EHF: variants seen among roughly 807,000 people sequenced by gnomAD.
EHF encodes ESE3 transcription factor.
A neutral mutation model predicts 45.1 loss-of-function variants in EHF; 14 were observed. The ratio of observed to expected loss-of-function variants is 0.31; its 90% confidence interval spans 0.21 to 0.49. The LOEUF (loss-of-function observed/expected upper bound fraction) is 0.49, where lower values mean the gene tolerates loss of function less well. EHF is among the 20% of genes least tolerant of loss of function. The pLI is 0.99. For synonymous variants in EHF, 136 were observed against 131.8 expected (o/e 1.03, Z -0.22); for missense variants, 282 against 371.4 (o/e 0.76, Z 1.98).
Position 34,646,640 on chromosome 11 carries a change from C to CG in EHF, c.303dup (p.Gln102AlafsTer18), listed in dbSNP as rs1565038350. The stretch of plus-strand genomic sequence containing the variant: ...GAGTTCACCCGGGCGGCAGGGACGG[C>CG]GGGGCAGCTCCTCTACAGCAACTTG... On this transcript the variant is annotated frameshift_variant, in exon 3 of 9. Coordinates refer to ENST00000257831, the MANE Select transcript of EHF (RefSeq NM_012153.6). LOFTEE classifies it high-confidence loss of function. 6.2e-7 allele frequency: 1 copy of CG among 1,613,236 alleles called. No homozygotes were observed. The highest frequency in any genetic ancestry group is 8.5e-7 in the Non-Finnish European group (1 of 1,179,920).
chr11:34,654,072 C>T (rs1380112320), intron 6 of EHF, among the ~76,000 whole-genome samples: 6 of 152,192 alleles, frequency 3.9e-5, no homozygotes, highest in Non-Finnish European at 8.8e-5. Context: ...TATTAGAACA[C>T]TGAAATTTGT....
intron 1 of EHF, among the ~76,000 whole-genome samples, chr11:34,635,307 G>A (rs1234283145): frequency 6.6e-6 from 1 of 152,110 alleles, no homozygotes; most frequent in Non-Finnish European, 1.5e-5. Flanking sequence ...CAGTGGAGCA[G>A]TCCTTGGGCT....
intron 1 of EHF, among the ~76,000 whole-genome samples, chr11:34,624,841 C>T (rs1036469779): frequency 1.1e-4 from 16 of 152,234 alleles, no homozygotes; most frequent in Admixed American, 6.5e-4. Flanking sequence ...GCAGGGAAGG[C>T]GGGATGTGAG....
intron 1 of EHF, chr11:34,622,280 T>C: frequency 8.0e-6 from 3 of 373,750 alleles, no homozygotes; most frequent in Non-Finnish European, 1.5e-5. Flanking sequence ...GGAGAGTGTA[T>C]GCTTCTGGGT....
intron 6 of EHF, among the ~76,000 whole-genome samples, chr11:34,653,523 C>T (rs1383012020): frequency 6.6e-6 from 1 of 152,168 alleles, no homozygotes; most frequent in African/African-American, 2.4e-5. Context: ...TCTCCTTACC[C>T]TTCTGATCCT....
intron 1 of EHF, chr11:34,624,282 G>A (rs1852179867): frequency 1.0e-6 from 1 of 985,256 alleles, no homozygotes. Context: ...CTTTGTTACT[G>A]GGAAACCGAA....
rs368204105 is a variant in EHF at position 34,658,708 on chromosome 11, A to G, written c.783A>G (p.Glu261=). The G allele has an allele frequency of 8.1e-6, 13 of 1,613,516 alleles. No homozygotes were observed. The highest frequency in any genetic ancestry group is 1.1e-5 in the Non-Finnish European group (13 of 1,179,750). ...AGAACAACAGCAGCATGACCTATGA[A>G]AAGCTCAGCCGAGCTATGAGGTGAG... ...KKKNNSSMTY[E]KLSRAMRYYY... Residue 261 remains glutamate, a synonymous_variant, in exon 8 of 9, where the codon GAA becomes GAG. Transcript: ENST00000257831.
chr11:34,632,923 A>G (rs928933044), intron 1 of EHF, among the ~76,000 whole-genome samples: 1 of 152,210 alleles, frequency 6.6e-6, no homozygotes, highest in African/African-American at 2.4e-5. Context: ...ACAATATTGT[A>G]ATGGCCGGAT....
chr11:34,657,018 G>A lies in EHF; in HGVS notation c.607+48G>A, dbSNP rs149105390. 1.4e-3 allele frequency: 2,271 copies of A among 1,605,692 alleles called. 3 individuals are homozygous for A. Among genetic ancestry groups the A allele is most frequent in the Non-Finnish European group, 1.6e-3 (1,858 of 1,175,068 alleles). ...GGCCTTTGGTCCTTCCCATCACATC[G>A]GGCACATCTGGAGGCCACTAGTTTT... is the stretch of plus-strand genomic sequence containing the variant. On this transcript the variant is annotated intron_variant, in intron 7 of 8. Coordinates refer to ENST00000257831, the MANE Select transcript of EHF (RefSeq NM_012153.6).
intron 7 of EHF, among the ~76,000 whole-genome samples, chr11:34,658,028 C>T (rs1038419009): frequency 6.6e-6 from 1 of 152,088 alleles, no homozygotes; most frequent in Non-Finnish European, 1.5e-5. Context: ...CTTTCCCTAC[C>T]ACCCTCATCT....
intron 6 of EHF, 55 bp from the exon 7 acceptor site, chr11:34,656,853 A>C (rs1489929156): frequency 1.3e-5 from 21 of 1,585,786 alleles, no homozygotes; most frequent in Non-Finnish European, 1.8e-5. Flanking sequence ...TGCATGAATA[A>C]AAAAGAGAAT....
chr11:34,642,443 AC>A (rs1854103022), intron 1 of EHF, 184 bp from the exon 2 acceptor site: 1 of 523,914 alleles, frequency 1.9e-6, no homozygotes, highest in South Asian at 2.6e-5. Context: ...TGAAAATTGA[AC>A]CTGGAAATTT....
intron 1 of EHF, 145 bp downstream of exon 1, chr11:34,621,373 T>G (rs1359726358): frequency 6.6e-6 from 1 of 152,306 alleles, no homozygotes; most frequent in Non-Finnish European, 1.5e-5. Flanking sequence ...TTACCTGGGC[T>G]TACCTCACTG....
Position 34,651,510 on chromosome 11 carries a change from C to G in EHF, c.407-32C>G, listed in dbSNP as rs762654243. 4 of 1,525,030 alleles carry G rather than the reference C, an allele frequency of 2.6e-6. No homozygotes were observed. The South Asian group carries it at 4.6e-5, about 17-fold the overall frequency. The allele number at this position is 1,525,030 out of a possible 1,614,324, so 94.5% of individuals were successfully genotyped here. A position where few individuals can be genotyped will look rare whatever the true frequency, so the allele number is the denominator to read the frequency against. The stretch of plus-strand genomic sequence containing the variant: ...CCTCTTCTCCCTGGGGAAAAGAGAT[C>G]GCTGACTATTCTCCTTCTCTATTTT... On this transcript the variant is annotated intron_variant, in intron 4 of 8. Coordinates refer to ENST00000257831, the MANE Select transcript of EHF (RefSeq NM_012153.6).
intron 6 of EHF, among the ~76,000 whole-genome samples, chr11:34,653,101 C>A (rs1358865506): frequency 6.6e-6 from 1 of 152,140 alleles, no homozygotes; most frequent in Non-Finnish European, 1.5e-5. Flanking sequence ...CCAAGTCACA[C>A]TCTGAGTTCC....
At chr11:34,625,497 G>T (rs763785782) in intron 1 of EHF, among the ~76,000 whole-genome samples, 2 of 152,102 alleles carry the variant, frequency 1.3e-5, no homozygotes, top group Non-Finnish European at 2.9e-5. Flanking sequence ...TGAGTAGATC[G>T]AACGTATGTG....
At chr11:34,641,849 T>C (rs1854032907) in intron 1 of EHF, among the ~76,000 whole-genome samples, 1 of 152,178 alleles carries the variant, frequency 6.6e-6, no homozygotes, top group Non-Finnish European at 1.5e-5. Flanking sequence ...AAGAAATCTC[T>C]TCTCCCAAGT....
chr11:34,639,544 G>A (rs1853777711), intron 1 of EHF, among the ~76,000 whole-genome samples: 1 of 152,224 alleles, frequency 6.6e-6, no homozygotes. Flanking sequence ...GAGGAGGGTA[G>A]GACTCGGCCA....
At chr11:34,629,274 G>A (rs1004246201) in intron 1 of EHF, among the ~76,000 whole-genome samples, 1 of 152,176 alleles carries the variant, frequency 6.6e-6, no homozygotes, top group Non-Finnish European at 1.5e-5. Context: ...TTTCTGGTAG[G>A]GAGTTGCTGG....
Sources: allele counts gnomAD v4.1 joint callset (sites outside exome capture counted in the v4.1 genomes callset), GRCh38; gene constraint gnomAD v4.1.1; transcripts MANE v1.5; gene names NCBI Gene and HGNC (gene_info 2026-07-23, HGNC 2026-07-21).